The following ROCK2 variants were observed in gnomAD, a reference collection of about 807,000 sequenced individuals.
ROCK2 encodes rho-associated protein kinase 2.
A neutral mutation model predicts 195.1 loss-of-function variants in ROCK2; 61 were observed. The observed-to-expected ratio is 0.31, with a 90% CI of 0.25 to 0.39. The LOEUF (loss-of-function observed/expected upper bound fraction) is 0.39, where lower values mean the gene tolerates loss of function less well. Ranked by LOEUF, ROCK2 falls within the 10% of genes least tolerant of loss-of-function variation. The pLI is 1.00. For missense variants in ROCK2, 1,109 were observed against 1,637.4 expected (o/e 0.68, Z 5.57); for synonymous variants, 504 against 545.5 (o/e 0.92, Z 1.06).
intron 4 of ROCK2, among the ~76,000 whole-genome samples, chr2:11,243,962 C>G (rs1040440445): frequency 6.6e-6 from 1 of 152,078 alleles, no homozygotes; most frequent in Non-Finnish European, 1.5e-5. Context: ...AACAATCATA[C>G]GTTAGTGGAT....
chr2:11,289,154 T>C (rs1268645757), intron 1 of ROCK2, among the ~76,000 whole-genome samples: 1 of 152,096 alleles, frequency 6.6e-6, no homozygotes, highest in East Asian at 1.9e-4. Flanking sequence ...CAATCTTCAT[T>C]CTCTTCAACT....
chr2:11,344,870 C>G (rs1259974395), upstream of ROCK2, among the ~76,000 whole-genome samples: 2 of 150,758 alleles, frequency 1.3e-5, no homozygotes, highest in African/African-American at 4.8e-5. This position sits in a 1 kb window ranked among gnomAD's most constrained non-coding sequence, Gnocchi z 5.4. Flanking sequence ...CGCGCGGTCA[C>G]GGCCGAGCTC....
At chr2:11,343,535 A>G (rs1669175672) in intron 1 of ROCK2, among the ~76,000 whole-genome samples, 1 of 152,234 alleles carries the variant, frequency 6.6e-6, no homozygotes, top group Non-Finnish European at 1.5e-5. Context: ...TCAGACTAAA[A>G]GGAGAGAGTG....
In ROCK2 at chr2:11,235,022, G is replaced by A. The variant is rs1214403620; in HGVS notation, c.723+680C>T. The stretch of plus-strand genomic sequence containing the variant: ...CAATATATATTAACATTTATAAGTC[G>A]ACTCCTAGGACCAACAGGGTAATAC... On this transcript the variant is annotated intron_variant, in intron 5 of 32. Transcript: ENST00000315872. The surrounding 1 kb of genome is among the most constrained non-coding windows in gnomAD (Gnocchi z 4.2). 1.3e-5 allele frequency among the ~76,000 whole-genome samples: 2 copies of A among 151,976 alleles called. No individual in the cohort carries two copies. Among genetic ancestry groups the A allele is most frequent in the African/African-American group, 2.4e-5 (1 of 41,374 alleles).
chr2:11,188,218 C>T (rs925876273), intron 32 of ROCK2, among the ~76,000 whole-genome samples: 1 of 147,276 alleles, frequency 6.8e-6, no homozygotes, highest in Non-Finnish European at 1.5e-5. Context: ...TCAAGCAATT[C>T]TCTGCCTCAG....
intron 1 of ROCK2, among the ~76,000 whole-genome samples, chr2:11,331,654 C>G (rs1470963591): frequency 2.0e-5 from 3 of 151,880 alleles, no homozygotes; most frequent in Admixed American, 2.0e-4. Flanking sequence ...TAGCCAGGCG[C>G]GGTGGCTCAC....
At chr2:11,279,347 A>G (rs1023443383) in intron 3 of ROCK2, among the ~76,000 whole-genome samples, 1 of 152,248 alleles carries the variant, frequency 6.6e-6, no homozygotes, top group African/African-American at 2.4e-5. Context: ...AAAATATACC[A>G]TAACAATAAT....
At chr2:11,279,288 T>TTA (rs1230269305) in intron 3 of ROCK2, among the ~76,000 whole-genome samples, 7 of 151,924 alleles carry the variant, frequency 4.6e-5, no homozygotes, top group Non-Finnish European at 1.0e-4. Context: ...TATAAGAAAC[T>TTA]CACATTAAAT....
chr2:11,186,199 G>A (rs141211115), intron 32 of ROCK2, among the ~76,000 whole-genome samples: 7 of 152,180 alleles, frequency 4.6e-5, no homozygotes, highest in Middle Eastern at 3.4e-3. Context: ...AACACATATC[G>A]CAACCTGGCA....
chr2:11,260,027 T>C (rs577341027), intron 3 of ROCK2, among the ~76,000 whole-genome samples: 1 of 151,698 alleles, frequency 6.6e-6, no homozygotes, highest in African/African-American at 2.4e-5. Context: ...GACTTGAAAC[T>C]AGAAAACCCT....
chr2:11,345,143 G>A (rs1022522608), upstream of ROCK2, among the ~76,000 whole-genome samples: 9 of 152,342 alleles, frequency 5.9e-5, no homozygotes, highest in African/African-American at 1.9e-4. Flanking sequence ...AGGGCCGGGG[G>A]TTTCGAGGCG....
chr2:11,254,290 T>C (rs1414747466), intron 3 of ROCK2, among the ~76,000 whole-genome samples: 1 of 152,168 alleles, frequency 6.6e-6, no homozygotes, highest in South Asian at 2.1e-4. Flanking sequence ...AACCCCATAA[T>C]TGCCCAGAAA....
chr2:11,309,335 A>G (rs1667961348), intron 1 of ROCK2, among the ~76,000 whole-genome samples: 1 of 152,164 alleles, frequency 6.6e-6, no homozygotes. Context: ...GGATTTTGGT[A>G]TCCTCTAGAG....
intron 3 of ROCK2, among the ~76,000 whole-genome samples, chr2:11,262,042 C>T (rs1666245274): frequency 6.6e-6 from 1 of 152,060 alleles, no homozygotes; most frequent in African/African-American, 2.4e-5. Flanking sequence ...TAGCTGACTC[C>T]ACCACAGACA....
At chr2:11,330,740 G>GGGAGGAGGAAGAGAGAGGA (rs148690962) in intron 1 of ROCK2, among the ~76,000 whole-genome samples, 1 of 43,258 alleles carries the variant, frequency 2.3e-5, no homozygotes. Context: ...AAGATGAGGA[G>GGGAGGAGGAAGAGAGAGGA]GGAGGAGGGA....
intron 3 of ROCK2, among the ~76,000 whole-genome samples, chr2:11,263,280 T>A (rs1023983906): frequency 6.6e-6 from 1 of 152,170 alleles, no homozygotes; most frequent in Non-Finnish European, 1.5e-5. Flanking sequence ...AGGATCACAG[T>A]CAATTCTTCA....
At chr2:11,291,465 G>A (rs774037252) in intron 1 of ROCK2, among the ~76,000 whole-genome samples, 2 of 152,168 alleles carry the variant, frequency 1.3e-5, no homozygotes, top group East Asian at 1.9e-4. Context: ...CAGGAGAATC[G>A]CTTGAACCCA....
chr2:11,183,435 A>T lies in ROCK2; in HGVS notation c.*2T>A, dbSNP rs181038430. On this transcript the variant is annotated 3_prime_UTR_variant, in exon 33 of 33. Coordinates refer to ENST00000315872, the MANE Select transcript of ROCK2 (RefSeq NM_004850.5). ...AATAATGACTGCTTTCATAGAAGGC[A>T]GTTAGCTGAAAAGAAAGGAAAAATA... 214 of 1,595,464 alleles carry T rather than the reference A, an allele frequency of 1.3e-4. 1 individual carries two copies. In the Admixed American group the frequency reaches 3.5e-3, roughly 26 times the overall value.
At chr2:11,227,131 T>C (rs1664841510) in intron 6 of ROCK2, 123 bp downstream of exon 6, 2 of 915,172 alleles carry the variant, frequency 2.2e-6, no homozygotes, top group Middle Eastern at 2.5e-4. Flanking sequence ...TAATTCAAAG[T>C]TTCCAGAAAT....
Sources: allele counts gnomAD v4.1 joint callset (sites outside exome capture counted in the v4.1 genomes callset), GRCh38; gene constraint gnomAD v4.1.1; non-coding constraint Gnocchi (gnomAD v3.1); transcripts MANE v1.5; gene names NCBI Gene and HGNC (gene_info 2026-07-23, HGNC 2026-07-21).